Variants in DNAJC5B observed in about 807,000 individuals in gnomAD.
The protein encoded by DNAJC5B is dnaJ homolog subfamily C member 5B.
A neutral mutation model predicts 24.7 loss-of-function variants in DNAJC5B; 23 were observed. The observed-to-expected ratio is 0.93, with a 90% CI of 0.67 to 1.32. The LOEUF is 1.32. Ranked by LOEUF, DNAJC5B falls within the 40% of genes most tolerant of loss-of-function variation. The pLI is 0.00. For missense variants in DNAJC5B, 238 were observed against 240.8 expected, an observed-to-expected ratio of 0.99 and a Z score of 0.08; for synonymous variants, 101 against 90.1, an observed-to-expected ratio of 1.12 and a Z score of -0.68.
intron 3 of DNAJC5B, among the ~76,000 whole-genome samples, chr8:66,071,528 GATC>G: frequency 6.6e-6 from 1 of 152,224 alleles, no homozygotes; most frequent in Non-Finnish European, 1.5e-5. Flanking sequence ...TTAGAATGGT[GATC>G]ATTAAAAAAG....
chr8:66,078,853 T>A (rs1221636125), intron 4 of DNAJC5B, among the ~76,000 whole-genome samples: 1 of 152,182 alleles, frequency 6.6e-6, no homozygotes, highest in African/African-American at 2.4e-5. Context: ...AGCCCAGGTC[T>A]ATGAAGCAGG....
chr8:66,085,984 T>C (rs1401827429), intron 5 of DNAJC5B, among the ~76,000 whole-genome samples: 1 of 152,202 alleles, frequency 6.6e-6, no homozygotes, highest in Non-Finnish European at 1.5e-5. Context: ...GAACATTTTG[T>C]AGTTTTTGGC....
intron 4 of DNAJC5B, among the ~76,000 whole-genome samples, chr8:66,077,440 C>A (rs1390628018): frequency 6.6e-6 from 1 of 152,002 alleles, no homozygotes; most frequent in Admixed American, 6.6e-5. Context: ...AAGAAAAGGG[C>A]GACATTTTTA....
intron 3 of DNAJC5B, among the ~76,000 whole-genome samples, chr8:66,070,623 G>A (rs28855126): frequency 0.041 from 6,173 of 152,212 alleles, 426 homozygotes; most frequent in African/African-American, 0.14. Flanking sequence ...TGGCCATACT[G>A]CCCAAAGTAA....
At chr8:66,087,174 G>C (rs1048248753) in intron 5 of DNAJC5B, among the ~76,000 whole-genome samples, 5 of 152,150 alleles carry the variant, frequency 3.3e-5, no homozygotes, top group African/African-American at 1.2e-4. Context: ...ATGGCAGAAG[G>C]TGAAAAAGAA....
chr8:66,017,339 T>C (rs1805981476), upstream of DNAJC5B, among the ~76,000 whole-genome samples: 1 of 152,228 alleles, frequency 6.6e-6, no homozygotes, highest in African/African-American at 2.4e-5. Context: ...TCCTTAAAAA[T>C]GAATTCTGTT....
At chr8:66,087,770 A>G (rs1807759439) in intron 5 of DNAJC5B, among the ~76,000 whole-genome samples, 1 of 152,188 alleles carries the variant, frequency 6.6e-6, no homozygotes, top group African/African-American at 2.4e-5. Flanking sequence ...TATCTAGGGC[A>G]TGTTGATGCA....
At chr8:66,080,573 A>G (rs925421030) in intron 5 of DNAJC5B, 25 bp downstream of exon 5, 2 of 1,564,808 alleles carry the variant, frequency 1.3e-6, no homozygotes, top group African/African-American at 2.7e-5. Context: ...GAGCAGAGGT[A>G]GTGAGTGTCC....
chr8:66,090,209 C>T (rs1387113628), intron 5 of DNAJC5B, among the ~76,000 whole-genome samples: 1 of 150,846 alleles, frequency 6.6e-6, no homozygotes, highest in Admixed American at 6.6e-5. Context: ...AGCCTTGTTT[C>T]ATGGGACAAT....
chr8:66,068,423 T>C (rs1180450382), intron 3 of DNAJC5B, among the ~76,000 whole-genome samples: 1 of 151,600 alleles, frequency 6.6e-6, no homozygotes, highest in Non-Finnish European at 1.5e-5. Flanking sequence ...GGAAAAAACC[T>C]TTACCAGGTT....
intron 3 of DNAJC5B, among the ~76,000 whole-genome samples, chr8:66,059,973 A>G (rs566370309): frequency 6.6e-6 from 1 of 152,244 alleles, no homozygotes; most frequent in South Asian, 2.1e-4. Context: ...TTACCTTGAG[A>G]GCCGAGGGAA....
At chr8:66,070,651 A>T (rs1807325720) in intron 3 of DNAJC5B, among the ~76,000 whole-genome samples, 1 of 152,224 alleles carries the variant, frequency 6.6e-6, no homozygotes, top group South Asian at 2.1e-4. Context: ...ACTCAATGCT[A>T]TTCCCATCAA....
At chr8:66,052,833 G>A (rs1292956875) in intron 3 of DNAJC5B, among the ~76,000 whole-genome samples, 1 of 152,230 alleles carries the variant, frequency 6.6e-6, no homozygotes, top group Non-Finnish European at 1.5e-5. Flanking sequence ...GTTGGAGGAA[G>A]AAAGATGTGT....
chr8:66,032,262 G>C (rs964803505), intron 1 of DNAJC5B, among the ~76,000 whole-genome samples: 2 of 152,240 alleles, frequency 1.3e-5, no homozygotes, highest in Admixed American at 6.5e-5. Context: ...ATGGAGAAGA[G>C]CTGAAGGCAT....
intron 5 of DNAJC5B, among the ~76,000 whole-genome samples, chr8:66,098,961 C>T (rs1023200351): frequency 6.6e-6 from 1 of 151,502 alleles, no homozygotes; most frequent in Non-Finnish European, 1.5e-5. Flanking sequence ...GCATTGTTTC[C>T]ATATGTAATC....
chr8:66,065,281 T>C (rs1337767396), intron 3 of DNAJC5B, among the ~76,000 whole-genome samples: 1 of 152,178 alleles, frequency 6.6e-6, no homozygotes, highest in East Asian at 1.9e-4. Context: ...ATGGTTGGGG[T>C]GAGTTGCTCA....
At chr8:66,032,623 T>A (rs1265104342) in intron 1 of DNAJC5B, among the ~76,000 whole-genome samples, 1 of 152,130 alleles carries the variant, frequency 6.6e-6, no homozygotes, top group African/African-American at 2.4e-5. Flanking sequence ...AATGGCCCCA[T>A]GGGCCAGTCC....
At chr8:66,035,923 T>C (rs566517097) in intron 1 of DNAJC5B, among the ~76,000 whole-genome samples, 4 of 152,304 alleles carry the variant, frequency 2.6e-5, no homozygotes, top group African/African-American at 7.2e-5. Flanking sequence ...TTCTTTACCA[T>C]GATCTGGTCC....
Position 66,046,673 on chromosome 8 carries a change from G to A in DNAJC5B, c.-18+3062G>A, listed in dbSNP as rs934254719. Among the ~76,000 whole-genome samples the A allele has an allele frequency of 2.6e-5, 4 of 152,224 alleles. 1 individual carries two copies. Among genetic ancestry groups the A allele is most frequent in the Non-Finnish European group, 5.9e-5 (4 of 68,044 alleles). ...GAGATTGCAAAGGAGAGAGGTATAT[G>A]CCCGCTGCCCCTCGGGGGCTACAGG... On this transcript the variant is annotated intron_variant, in intron 2 of 5. Transcript: ENST00000276570.
Sources: allele counts gnomAD v4.1 joint callset (sites outside exome capture counted in the v4.1 genomes callset), GRCh38; gene constraint gnomAD v4.1.1; transcripts MANE v1.5; gene names NCBI Gene and HGNC (gene_info 2026-07-23, HGNC 2026-07-21).